Variants in ABCA7 observed in about 807,000 individuals in gnomAD.
ABCA7 encodes phospholipid-transporting ATPase ABCA7.
Under a neutral mutation model 227.6 loss-of-function variants are expected in ABCA7, and 261 were observed. The ratio of observed to expected loss-of-function variants is 1.15; its 90% CI spans 1.04 to 1.27. The LOEUF (loss-of-function observed/expected upper bound fraction) is 1.27, where lower values mean the gene tolerates loss of function less well. ABCA7 is among the 50% of genes most tolerant of loss of function. The pLI is 0.00. For missense variants in ABCA7, 3,331 were observed against 2,924.5 expected (o/e 1.14, Z -3.21); for synonymous variants, 1,488 against 1,279.7 (o/e 1.16, Z -3.47).
chr19:1,065,127 C>A lies in ABCA7; in HGVS notation c.6241C>A (p.His2081Asn). The stretch of plus-strand genomic sequence containing the variant: ...AGAGCTGGCGGTGCACGGCGCAGAG[C>A]ACGGCGTGGAGGACTTTTCCGTGAG... ...FGELAVHGAE[H>N]GVEDFSVSQT... is the part of the protein sequence containing the mutation. Residue 2081 changes from histidine to asparagine, a missense_variant, in exon 46 of 47, where the codon CAC (histidine) becomes AAC (asparagine). Coordinates refer to ENST00000263094, the MANE Select transcript of ABCA7 (RefSeq NM_019112.4). 1.3e-6 allele frequency: 2 copies of A among 1,591,294 alleles called. No individual in the cohort carries two copies. Among genetic ancestry groups the A allele is most frequent in the Admixed American group, 1.7e-5 (1 of 57,836 alleles).
In ABCA7 at chr19:1,055,231, C is replaced by T; in HGVS notation, c.4085C>T (p.Ala1362Val). ...CGCCTGCTGCCCGACTGCCCGGCTG[C>T]AGCTGGTGGTCCCCCTCCGCCCCAG... Reference protein sequence around the residue: ...ARRLLPDCPAAAGGPPPPQAV... With the variant: ...ARRLLPDCPAVAGGPPPPQAV... Residue 1362 changes from alanine (A) to valine (V), a missense_variant, in exon 30 of 47, where the codon GCA becomes GTA. Physicochemically the swap from Ala to Val is moderately conservative, Grantham distance 64. Transcript: ENST00000263094. 6 of 1,606,566 alleles carry T rather than the reference C, an allele frequency of 3.7e-6. No homozygotes were observed. The highest frequency in any genetic ancestry group is 2.2e-5 in the South Asian group (2 of 90,262).
At chr19:1,065,247 C>T (rs745747082) in intron 46 of ABCA7, 23 bp from the exon 47 acceptor site, 15 of 1,611,666 alleles carry the variant, frequency 9.3e-6, no homozygotes, top group African/African-American at 1.3e-5. Flanking sequence ...CCCTCTTGTC[C>T]CCTCTGGGCT....
At position 1,047,619 on chromosome 19, in the gene ABCA7, G is replaced by T; in HGVS notation, c.2234G>T (p.Gly745Val). 6.2e-7 allele frequency: 1 copy of T among 1,600,616 alleles called. No individual in the cohort carries two copies. Among genetic ancestry groups the T allele is most frequent in the Non-Finnish European group, 8.5e-7 (1 of 1,178,202 alleles). ...CTGCTGCTGGACGCGGCGCTCTACGGCCTCGCCACCTGGTACCTGGAAGCT... is the reference window on the plus strand; with the variant it reads ...CTGCTGCTGGACGCGGCGCTCTACGTCCTCGCCACCTGGTACCTGGAAGCT... ...GLLLLDAALY[G>V]LATWYLEAVC... Residue 745 changes from glycine to valine, a missense_variant, in exon 16 of 47, where the codon GGC becomes GTC. Physicochemically the swap from Gly to Val is moderately radical, Grantham distance 109 (BLOSUM62 -3). Transcript: ENST00000263094.
At position 1,047,191 on chromosome 19, in the gene ABCA7, T is replaced by C. The variant is rs1322458182; in HGVS notation, c.1880T>C (p.Val627Ala). 6.2e-7 allele frequency: 1 copy of C among 1,605,880 alleles called. No individual in the cohort carries two copies. The highest frequency in any genetic ancestry group is 1.7e-5 in the Admixed American group (1 of 59,686). The change falls in exon 15 of 47, where the codon GTG becomes GCG. Residue 627 changes from valine to alanine, a missense_variant. Physicochemically the swap from Val to Ala is moderately conservative, Grantham distance 64. Coordinates refer to ENST00000263094, the MANE Select transcript of ABCA7 (RefSeq NM_019112.4). ...ATCCTCCCCTACAGCCACCCGGGCG[T>C]GGTCTTCCTGTTCTTGGCAGCCTTC... ...GDILPYSHPG[V>A]VFLFLAAFAV...
chr19:1,065,447 G>A lies in ABCA7; in HGVS notation c.*22G>A, dbSNP rs753812831. The A allele has an allele frequency of 8.8e-5, 141 of 1,611,272 alleles. 1 individual carries two copies. Among genetic ancestry groups the A allele is most frequent in the South Asian group, 7.1e-4 (65 of 91,020 alleles). ...CTGAGCCTCCCTCCCCTGCGGGGCC[G>A]CGGGGAGGCCCTGGGAATGGCAAGG... On this transcript the variant is annotated 3_prime_UTR_variant, in exon 47 of 47. Transcript: ENST00000263094.
Position 1,043,445 on chromosome 19 carries a change from C to A in ABCA7, c.902C>A (p.Thr301Lys). 1 of 1,613,368 alleles carries A rather than the reference C, an allele frequency of 6.2e-7. No homozygotes were observed. Among genetic ancestry groups the A allele is most frequent in the Non-Finnish European group, 8.5e-7 (1 of 1,180,020 alleles). Residue 301 changes from threonine (T) to lysine (K), a missense_variant, in exon 9 of 47, where the codon ACA (threonine) becomes AAA (lysine). Physicochemically the swap from Thr to Lys is moderately conservative, Grantham distance 78. Transcript: ENST00000263094. ...GGGAAGCTACTCTTTGCACCAGATACACCTTTTACCCGGAAGCTCATGGCC... is the reference window on the plus strand; with the variant it reads ...GGGAAGCTACTCTTTGCACCAGATAAACCTTTTACCCGGAAGCTCATGGCC... ...ILGKLLFAPD[T>K]PFTRKLMAQV...
In ABCA7 at chr19:1,046,308, C is replaced by A. The variant is rs1167109852; in HGVS notation, c.1524C>A (p.Asp508Glu). 42 of 1,605,148 alleles carry A rather than the reference C, an allele frequency of 2.6e-5. No individual in the cohort carries two copies. The highest frequency in any genetic ancestry group is 3.2e-5 in the Non-Finnish European group (38 of 1,179,684). The change falls in exon 13 of 47, where the codon GAC becomes GAA. Residue 508 changes from aspartate (D) to glutamate (E), a missense_variant. Physicochemically the swap from Asp to Glu is conservative, Grantham distance 45 (BLOSUM62 2). Transcript: ENST00000263094. ...GGGGCGGCTTCGTGTACCTGCAAGA[C>A]CTGGTGGAGCGTGCAGCCGTCCGCG... ...YVWGGFVYLQ[D>E]LVERAAVRVL...
Position 1,053,223 on chromosome 19 carries a change from C to T in ABCA7, c.3221-106C>T, listed in dbSNP as rs974052648. The stretch of plus-strand genomic sequence containing the variant: ...TGGCCTACGTTCTTAACCCTGATCT[C>T]TGTCTGCCGGGACAGTCCCCTCACA... On this transcript the variant is annotated intron_variant, in intron 23 of 46. Transcript: ENST00000263094. 5 of 1,221,168 alleles carry T rather than the reference C, an allele frequency of 4.1e-6. No homozygotes were observed. In the African/African-American group the frequency reaches 6.0e-5, roughly 15 times the overall value. The allele number at this position is 1,221,168 out of a possible 1,614,324, so 75.6% of individuals were successfully genotyped here. A position where few individuals can be genotyped will look rare whatever the true frequency, so the allele number is the denominator to read the frequency against.
intron 16 of ABCA7, among the ~76,000 whole-genome samples, chr19:1,048,364 G>T (rs1046626996): frequency 2.0e-5 from 3 of 151,410 alleles, no homozygotes. Context: ...GGGTGTGGTG[G>T]CGGGTGCCTG....
rs748475741 is a variant in ABCA7, at chr19:1,047,392, C to T, written c.2067+14C>T. 6.9e-5 allele frequency: 108 copies of T among 1,559,058 alleles called. No homozygotes were observed. The highest frequency in any genetic ancestry group is 9.0e-5 in the Non-Finnish European group (104 of 1,158,396). On this transcript the variant is annotated intron_variant, in intron 15 of 46. Coordinates refer to ENST00000263094, the MANE Select transcript of ABCA7 (RefSeq NM_019112.4). ...CGCGTGGCCGCGGTGAGAGCCGGGTCGGGCGTGGATGGGGGACGCCCCCCG... is the reference window on the plus strand; with the variant it reads ...CGCGTGGCCGCGGTGAGAGCCGGGTTGGGCGTGGATGGGGGACGCCCCCCG...
At position 1,046,224 on chromosome 19, in the gene ABCA7, T is replaced by C; in HGVS notation, c.1446-6T>C. 1 of 1,606,046 alleles carries C rather than the reference T, an allele frequency of 6.2e-7. No homozygotes were observed. On this transcript the variant is annotated splice_region_variant and splice_polypyrimidine_tract_variant and intron_variant, in intron 12 of 46. Coordinates refer to ENST00000263094, the MANE Select transcript of ABCA7 (RefSeq NM_019112.4). ...CCTACAACCGGCCACCATGCCCCTCTCGCAGGTTTTGGGACCCTGGCCCAG... is the reference window on the plus strand; with the variant it reads ...CCTACAACCGGCCACCATGCCCCTCCCGCAGGTTTTGGGACCCTGGCCCAG...
At position 1,046,819 on chromosome 19, in the gene ABCA7, G is replaced by A. The variant is rs138202635; in HGVS notation, c.1640G>A (p.Ser547Asn). The change falls in exon 14 of 47, where the codon AGC becomes AAC. Residue 547 changes from serine to asparagine, a missense_variant. Transcript: ENST00000263094. ...CACCCCAGGTTCCTGCGTGTGCTGAGCCGGTCGCTGCCGCTCTTCCTGACG... is the reference window on the plus strand; with the variant it reads ...CACCCCAGGTTCCTGCGTGTGCTGAACCGGTCGCTGCCGCTCTTCCTGACG... ...YVDDVFLRVL[S>N]RSLPLFLTLA... The A allele has an allele frequency of 6.5e-7, 1 of 1,538,286 alleles. No homozygotes were observed. Among genetic ancestry groups the A allele is most frequent in the African/African-American group, 1.4e-5 (1 of 73,100 alleles).
At position 1,061,844 on chromosome 19, in the gene ABCA7, G is replaced by T. The variant is rs750229559; in HGVS notation, c.5526G>T (p.Gly1842=). 1 of 1,605,952 alleles carries T rather than the reference G, an allele frequency of 6.2e-7. No homozygotes were observed. The highest frequency in any genetic ancestry group is 8.5e-7 in the Non-Finnish European group (1 of 1,177,234). Residue 1842 remains glycine, a synonymous_variant, in exon 41 of 47, where the codon GGG becomes GGT. Transcript: ENST00000263094. ...GKTSTFRMVT[G]DTLASRGEAV... ...CGTCCACGTTTCGCATGGTGACGGG[G>T]GACACATTGGCCAGCAGGGGCGAGG...
In ABCA7 at chr19:1,048,991, C is replaced by A; in HGVS notation, c.2366C>A (p.Pro789Gln). The change falls in exon 17 of 47, where the codon CCG becomes CAG. Residue 789 changes from proline to glutamine, a missense_variant. Physicochemically the swap from Pro to Gln is moderately conservative, Grantham distance 76. Coordinates refer to ENST00000263094, the MANE Select transcript of ABCA7 (RefSeq NM_019112.4). Reference protein sequence around the residue: ...PPKSPAPCPTPLDPKVLVEEA... With the variant: ...PPKSPAPCPTQLDPKVLVEEA... Reference sequence around the variant, plus strand: ...AAGAGTCCAGCCCCTTGCCCCACCCCGCTGGACCCAAAGGGTGAGGCACTA... The same window carrying A: ...AAGAGTCCAGCCCCTTGCCCCACCCAGCTGGACCCAAAGGGTGAGGCACTA... The A allele has an allele frequency of 6.3e-7, 1 of 1,593,498 alleles. No homozygotes were observed. Among genetic ancestry groups the A allele is most frequent in the Non-Finnish European group, 8.6e-7 (1 of 1,169,200 alleles).
rs767033462 is a variant in ABCA7, at chr19:1,049,333, T to A, written c.2448T>A (p.Phe816Leu). Residue 816 changes from phenylalanine to leucine, a missense_variant, in exon 18 of 47, where the codon TTT becomes TTA. By Grantham distance (22) the Phe-to-Leu change is conservative. Coordinates refer to ENST00000263094, the MANE Select transcript of ABCA7 (RefSeq NM_019112.4). ...GVSVRSLEKR[F>L]PGSPQPALRG... ...CCGTTCGCAGCCTGGAGAAGCGCTTTCCTGGAAGCCCGCAGCCAGCCCTGC... is the reference window on the plus strand; with the variant it reads ...CCGTTCGCAGCCTGGAGAAGCGCTTACCTGGAAGCCCGCAGCCAGCCCTGC... The A allele has an allele frequency of 6.8e-6, 11 of 1,611,466 alleles. No individual in the cohort carries two copies.
Position 1,047,153 on chromosome 19 carries a change from A to G in ABCA7, c.1846-4A>G, listed in dbSNP as rs1599591644. 6.3e-7 allele frequency: 1 copy of G among 1,599,170 alleles called. No homozygotes were observed. Among genetic ancestry groups the G allele is most frequent in the Non-Finnish European group, 8.5e-7 (1 of 1,175,222 alleles). ...GCACCCTAAGCTCCCGTTGCCTCTC[A>G]CAGCTGGGAGACATCCTCCCCTACA... is the stretch of plus-strand genomic sequence containing the variant. On this transcript the variant is annotated splice_polypyrimidine_tract_variant and splice_region_variant and intron_variant, in intron 14 of 46. Transcript: ENST00000263094.
intron 14 of ABCA7, 54 bp from the exon 15 acceptor site, chr19:1,047,103 G>T: frequency 6.4e-7 from 1 of 1,559,680 alleles, no homozygotes. Context: ...ACGTGGGTGC[G>T]CGCCCCCAGG....
Position 1,047,564 on chromosome 19 carries a change from G to C in ABCA7, c.2179G>C (p.Val727Leu). ...CGTGGGCACCCGGCCTACGGCAGAC[G>C]TCTTCAGCCTGGCCCAGGTCTCTGG... ...HNVGTRPTAD[V>L]FSLAQVSGLL... The change falls in exon 16 of 47, where the codon GTC (valine) becomes CTC (leucine). Residue 727 changes from valine (V) to leucine (L), a missense_variant. By Grantham distance (32) the Val-to-Leu change is conservative (BLOSUM62 1). Transcript: ENST00000263094. 1 of 1,602,632 alleles carries C rather than the reference G, an allele frequency of 6.2e-7. No homozygotes were observed. Among genetic ancestry groups the C allele is most frequent in the Middle Eastern group, 1.7e-4 (1 of 6,054 alleles).
Position 1,042,186 on chromosome 19 carries a change from C to A in ABCA7, c.415+10C>A. 8 of 1,600,600 alleles carry A rather than the reference C, an allele frequency of 5.0e-6. No homozygotes were observed. Among genetic ancestry groups the A allele is most frequent in the Non-Finnish European group, 6.8e-6 (8 of 1,178,330 alleles). On this transcript the variant is annotated intron_variant, in intron 5 of 46. Coordinates refer to ENST00000263094, the MANE Select transcript of ABCA7 (RefSeq NM_019112.4). ...GCTGCACGCAGCACGGGTGAGGAGGCCGGGGGGCCTCTGGCAGGGCTGAGC... is the reference window on the plus strand; with the variant it reads ...GCTGCACGCAGCACGGGTGAGGAGGACGGGGGGCCTCTGGCAGGGCTGAGC...
Sources: gnomAD v4.1 joint callset for allele counts (sites outside exome capture counted in the v4.1 genomes callset) on GRCh38, gnomAD v4.1.1 for gene constraint, MANE v1.5 for transcripts, NCBI Gene and HGNC (gene_info 2026-07-23, HGNC 2026-07-21) for gene names.